Variants in MAD1L1 observed in about 807,000 individuals in gnomAD.
MAD1L1 encodes mitotic arrest deficient 1 like 1.
Under a neutral mutation model 96.9 loss-of-function variants are expected in MAD1L1, and 95 were observed. The ratio of observed to expected loss-of-function variants is 0.98; its 90% confidence interval spans 0.83 to 1.16. The LOEUF (loss-of-function observed/expected upper bound fraction) is 1.16. Ranked by LOEUF, MAD1L1 falls within the 50% of genes most tolerant of loss-of-function variation. The probability of loss-of-function intolerance (pLI) is 0.00; values close to 1 mark genes in which losing one functional copy is unlikely to be tolerated. For synonymous variants in MAD1L1, 473 were observed against 396.6 expected, an observed-to-expected ratio of 1.19 and a Z score of -2.29; for missense variants, 1,007 against 954.4, an observed-to-expected ratio of 1.06 and a Z score of -0.73.
rs1784120962 is a variant in MAD1L1, at chr7:2,050,467, C to G, written c.1218+18727G>C. Among the ~76,000 whole-genome samples the G allele has an allele frequency of 2.6e-5, 4 of 152,374 alleles. No homozygotes were observed. The South Asian group carries it at 8.3e-4, about 32-fold the overall frequency. On this transcript the variant is annotated intron_variant, in intron 12 of 18. Coordinates refer to ENST00000265854, the MANE Select transcript of MAD1L1 (RefSeq NM_001013836.2). ...CGCCTCCACTCTGGCTGGTGTCAGG[C>G]TGTGGCTTGACCTTTCTGGCAGCTC... is the stretch of plus-strand genomic sequence containing the variant.
At chr7:1,831,455 G>T (rs1487676864) in intron 18 of MAD1L1, among the ~76,000 whole-genome samples, 3 of 152,036 alleles carry the variant, frequency 2.0e-5, no homozygotes, top group Non-Finnish European at 4.4e-5. Flanking sequence ...CAACAATATT[G>T]AAACCAGGCC....
chr7:2,182,898 T>G (rs1347085795), intron 10 of MAD1L1, among the ~76,000 whole-genome samples: 1 of 152,108 alleles, frequency 6.6e-6, no homozygotes, highest in Admixed American at 6.6e-5. Context: ...ACCTTACAAA[T>G]ATACTAAAAA....
At chr7:2,095,843 C>G (rs1358027449) in intron 11 of MAD1L1, among the ~76,000 whole-genome samples, 1 of 152,212 alleles carries the variant, frequency 6.6e-6, no homozygotes, top group Non-Finnish European at 1.5e-5. Context: ...GGGCAGAGTG[C>G]ATCCACGCAC....
At chr7:1,955,625 G>A (rs1315184118) in intron 16 of MAD1L1, among the ~76,000 whole-genome samples, 1 of 152,140 alleles carries the variant, frequency 6.6e-6, no homozygotes, top group Non-Finnish European at 1.5e-5. Context: ...GCAAGATTAG[G>A]TGTCTGGTGG....
chr7:1,826,019 C>CTGTA (rs1308122567), intron 18 of MAD1L1, among the ~76,000 whole-genome samples: 5 of 152,298 alleles, frequency 3.3e-5, no homozygotes, highest in Admixed American at 2.6e-4. Context: ...CAGCAGTGAT[C>CTGTA]TGTATCCCAA....
intron 3 of MAD1L1, among the ~76,000 whole-genome samples, chr7:2,227,639 G>C (rs904286518): frequency 5.9e-5 from 9 of 152,242 alleles, no homozygotes; most frequent in Non-Finnish European, 1.3e-4. Context: ...TCCCACCTGT[G>C]TTCTCTGGTG....
intron 10 of MAD1L1, among the ~76,000 whole-genome samples, chr7:2,211,921 C>T: frequency 6.6e-6 from 1 of 152,232 alleles, no homozygotes; most frequent in Non-Finnish European, 1.5e-5. Flanking sequence ...AGCGGGAAGC[C>T]TTGAAATCTC....
rs187035188 is a variant in MAD1L1 at position 2,184,624 on chromosome 7, C to G, written c.986+28588G>C. 4.5e-3 allele frequency among the ~76,000 whole-genome samples: 684 copies of G among 152,296 alleles called. 5 individuals are homozygous for G. The highest frequency in any genetic ancestry group is 0.017 in the South Asian group (82 of 4,830). On this transcript the variant is annotated intron_variant, in intron 10 of 18. Coordinates refer to ENST00000265854, the MANE Select transcript of MAD1L1 (RefSeq NM_001013836.2). ...GATGTGAATTAACCACAGCTATACT[C>G]ACAAGAGGCAGCTACTGGGAAACAA...
chr7:2,049,044 T>C (rs1460065883), intron 12 of MAD1L1, among the ~76,000 whole-genome samples: 1 of 152,276 alleles, frequency 6.6e-6, no homozygotes, highest in Non-Finnish European at 1.5e-5. Context: ...GAGTTGATGA[T>C]GAACTACCTC....
At chr7:1,837,372 C>T (rs765255921) in intron 18 of MAD1L1, among the ~76,000 whole-genome samples, 4 of 152,196 alleles carry the variant, frequency 2.6e-5, no homozygotes, top group Non-Finnish European at 5.9e-5. Flanking sequence ...GAAAATGGTG[C>T]AGGCACTTTG....
chr7:2,015,626 G>C (rs1263303818), intron 12 of MAD1L1, among the ~76,000 whole-genome samples: 1 of 152,228 alleles, frequency 6.6e-6, no homozygotes, highest in Non-Finnish European at 1.5e-5. Flanking sequence ...CTGAACCACA[G>C]CCCCCGGACC....
intron 17 of MAD1L1, among the ~76,000 whole-genome samples, chr7:1,911,057 T>A (rs1256923985): frequency 7.3e-6 from 1 of 136,862 alleles, no homozygotes; most frequent in African/African-American, 2.8e-5. Context: ...GCCGTGAGGA[T>A]TCATAACTGC....
In MAD1L1 at chr7:2,114,011, A is replaced by G. The variant is rs1787523137; in HGVS notation, c.1073+35141T>C. ...GATCCTGGCACAGAAAAAGGAGCTC[A>G]GTGGGAGAGCCGGCAAGACCTGAAC... On this transcript the variant is annotated intron_variant, in intron 11 of 18. Transcript: ENST00000265854. This position sits in a 1 kb window ranked among gnomAD's most constrained non-coding sequence, Gnocchi z 4.2. Among the ~76,000 whole-genome samples the G allele has an allele frequency of 6.6e-6, 1 of 152,210 alleles. No individual in the cohort carries two copies. The highest frequency in any genetic ancestry group is 1.5e-5 in the Non-Finnish European group (1 of 68,036).
At chr7:2,225,389 C>T (rs760412072) in intron 4 of MAD1L1, 21 bp downstream of exon 4, 31 of 1,612,850 alleles carry the variant, frequency 1.9e-5, no homozygotes, top group Non-Finnish European at 2.5e-5. Flanking sequence ...CTGGGCCGAC[C>T]CTCGCCCCGC....
intron 18 of MAD1L1, among the ~76,000 whole-genome samples, chr7:1,829,031 AAG>A (rs1003057085): frequency 6.6e-6 from 1 of 152,234 alleles, no homozygotes; most frequent in African/African-American, 2.4e-5. Flanking sequence ...AGATGAGAAA[AAG>A]AAAGAAAAGC....
intron 10 of MAD1L1, among the ~76,000 whole-genome samples, chr7:2,161,100 G>A (rs1262776486): frequency 1.3e-4 from 2 of 15,948 alleles, no homozygotes; most frequent in East Asian, 4.6e-3. Context: ...AGACGATAAT[G>A]GAGCCCCTGC....
At chr7:2,042,400 A>G (rs1319803087) in intron 12 of MAD1L1, among the ~76,000 whole-genome samples, 1 of 152,162 alleles carries the variant, frequency 6.6e-6, no homozygotes, top group East Asian at 1.9e-4. Context: ...AACTGCCACC[A>G]CCGACCTTTT....
intron 18 of MAD1L1, among the ~76,000 whole-genome samples, chr7:1,888,653 C>CGCATGTGTGTATGTGGCTGTCTGT (rs1483453980): frequency 4.6e-5 from 7 of 150,576 alleles, no homozygotes; most frequent in Non-Finnish European, 1.0e-4. Flanking sequence ...TGTGTGTGCG[C>CGCATGTGTGTATGTGGCTGTCTGT]GCATGTGTGT....
chr7:1,988,561 C>T (rs1781264415), intron 14 of MAD1L1, among the ~76,000 whole-genome samples: 1 of 152,204 alleles, frequency 6.6e-6, no homozygotes. Context: ...TCTGTGTTTA[C>T]TCCCTCATGC....
Sources: gnomAD v4.1 joint callset for allele counts (sites outside exome capture counted in the v4.1 genomes callset) on GRCh38, gnomAD v4.1.1 for gene constraint, Gnocchi (gnomAD v3.1) non-coding constraint, MANE v1.5 for transcripts, NCBI Gene and HGNC (gene_info 2026-07-23, HGNC 2026-07-21) for gene names.